GMDS: variants seen among roughly 807,000 people sequenced by gnomAD.
The protein encoded by GMDS is GDP-mannose 4,6-dehydratase, also known as GDP-mannose 4,6 dehydratase.
A neutral mutation model predicts 49.9 loss-of-function variants in GMDS; 20 were observed. The ratio of observed to expected loss-of-function variants is 0.40; its 90% confidence interval spans 0.28 to 0.58. The LOEUF (loss-of-function observed/expected upper bound fraction) is 0.58. GMDS is among the 20% of genes least tolerant of loss of function. GMDS has a pLI of 0.42. For missense variants in GMDS, 362 were observed against 481.4 expected (o/e 0.75, Z 2.32); for synonymous variants, 177 against 178.6 (o/e 0.99, Z 0.07).
chr6:1,912,361 G>T (rs889116664), intron 7 of GMDS, among the ~76,000 whole-genome samples: 7 of 150,848 alleles, frequency 4.6e-5, no homozygotes, highest in Non-Finnish European at 8.9e-5. Flanking sequence ...GTGAGACTTT[G>T]TCTAAAAAAA....
intron 4 of GMDS, among the ~76,000 whole-genome samples, chr6:1,978,759 GTTTT>G (rs1226581521): frequency 6.6e-6 from 1 of 152,136 alleles, no homozygotes; most frequent in Non-Finnish European, 1.5e-5. Context: ...CAGCCAGATT[GTTTT>G]TTTAAGTGGG....
intron 7 of GMDS, among the ~76,000 whole-genome samples, chr6:1,770,204 C>T (rs1488207788): frequency 6.6e-6 from 1 of 152,204 alleles, no homozygotes; most frequent in Non-Finnish European, 1.5e-5. Context: ...GAACTGCACA[C>T]ATGTGTGAGC....
chr6:1,796,661 A>G (rs1769746025), intron 7 of GMDS, among the ~76,000 whole-genome samples: 1 of 152,220 alleles, frequency 6.6e-6, no homozygotes, highest in Admixed American at 6.5e-5. Flanking sequence ...TAGCAACATA[A>G]TAATTCACTG....
chr6:2,167,275 C>T (rs1268368378), intron 1 of GMDS, among the ~76,000 whole-genome samples: 1 of 152,128 alleles, frequency 6.6e-6, no homozygotes, highest in Non-Finnish European at 1.5e-5. Context: ...CCTCTATACC[C>T]ACCAATTAGT....
At chr6:2,159,607 C>G (rs1278977397) in intron 1 of GMDS, among the ~76,000 whole-genome samples, 1 of 143,422 alleles carries the variant, frequency 7.0e-6, no homozygotes, top group East Asian at 2.2e-4. Context: ...TAACCTCCAT[C>G]TCCCAGGCTC....
chr6:1,734,085 C>T (rs1042172634), intron 8 of GMDS, among the ~76,000 whole-genome samples: 12 of 152,184 alleles, frequency 7.9e-5, no homozygotes, highest in African/African-American at 2.2e-4. Context: ...CTAGTGTAAA[C>T]GGTGAACCCT....
chr6:1,927,452 G>A (rs1423939343), intron 7 of GMDS, among the ~76,000 whole-genome samples: 1 of 152,244 alleles, frequency 6.6e-6, no homozygotes, highest in East Asian at 1.9e-4. Flanking sequence ...GTGTGCACAT[G>A]CTGGCTTGTG....
chr6:1,668,890 G>C (rs1379657798), intron 9 of GMDS, among the ~76,000 whole-genome samples: 1 of 152,350 alleles, frequency 6.6e-6, no homozygotes, highest in Admixed American at 6.5e-5. Context: ...GGCCAAATCA[G>C]AGAAGTACCA....
At chr6:1,799,240 C>T (rs1216727957) in intron 7 of GMDS, among the ~76,000 whole-genome samples, 3 of 152,068 alleles carry the variant, frequency 2.0e-5, no homozygotes, top group Admixed American at 6.5e-5. Context: ...CAAAGAGTCC[C>T]CCGCTCCCTC....
chr6:1,832,702 T>C (rs3778533), intron 7 of GMDS, among the ~76,000 whole-genome samples: 28,097 of 152,176 alleles, frequency 0.18, 3,417 homozygotes, highest in African/African-American at 0.35. Flanking sequence ...TTAGCTTGAC[T>C]GCAAAGCTCT....
At chr6:1,749,251 A>G (rs1414766793) in intron 7 of GMDS, among the ~76,000 whole-genome samples, 5 of 152,158 alleles carry the variant, frequency 3.3e-5, no homozygotes, top group South Asian at 2.1e-4. Context: ...CCAGATCACA[A>G]TCTGCGGTGT....
At chr6:1,815,151 A>G (rs1020155683) in intron 7 of GMDS, among the ~76,000 whole-genome samples, 1 of 152,176 alleles carries the variant, frequency 6.6e-6, no homozygotes, top group African/African-American at 2.4e-5. Flanking sequence ...CTGTGTTCAA[A>G]TACTTCAGAT....
intron 9 of GMDS, among the ~76,000 whole-genome samples, chr6:1,641,793 T>A (rs576323518): frequency 6.6e-6 from 1 of 152,258 alleles, no homozygotes; most frequent in South Asian, 2.1e-4. Flanking sequence ...GAAAGTCAGG[T>A]TTTTAAATAT....
intron 6 of GMDS, among the ~76,000 whole-genome samples, chr6:1,951,706 T>C (rs1387015302): frequency 6.6e-6 from 1 of 152,210 alleles, no homozygotes; most frequent in Non-Finnish European, 1.5e-5. Context: ...TGATTTTTAA[T>C]GTCTTTTATA....
At chr6:2,032,066 C>T (rs188533227) in intron 4 of GMDS, among the ~76,000 whole-genome samples, 1 of 152,060 alleles carries the variant, frequency 6.6e-6, no homozygotes, top group African/African-American at 2.4e-5. Context: ...CCATAAAGAA[C>T]AAGTGTAGAA....
intron 7 of GMDS, among the ~76,000 whole-genome samples, chr6:1,785,570 T>C (rs3800068): frequency 0.16 from 24,267 of 152,174 alleles, 2,078 homozygotes; most frequent in African/African-American, 0.21. Flanking sequence ...CCCTTGGGCA[T>C]CCTCCCAGGA....
At chr6:1,760,241 T>G (rs75588000) in intron 7 of GMDS, among the ~76,000 whole-genome samples, 7,011 of 152,224 alleles carry the variant, frequency 0.046, 207 homozygotes, top group Non-Finnish European at 0.069. Context: ...TTTCTTTGAG[T>G]TGGTTTCTGC....
At chr6:2,157,346 C>A (rs2127542428) in intron 1 of GMDS, among the ~76,000 whole-genome samples, 1 of 152,288 alleles carries the variant, frequency 6.6e-6, no homozygotes, top group Non-Finnish European at 1.5e-5. Context: ...CATTCAAATT[C>A]TTTGTCTTCT....
At chr6:2,193,974 G>A (rs1056412740) in intron 1 of GMDS, among the ~76,000 whole-genome samples, 3 of 151,750 alleles carry the variant, frequency 2.0e-5, no homozygotes, top group Non-Finnish European at 4.4e-5. Flanking sequence ...CCACCCGCTC[G>A]GCCTCCCAAA....
Sources: allele counts gnomAD v4.1 joint callset (sites outside exome capture counted in the v4.1 genomes callset), GRCh38; gene constraint gnomAD v4.1.1; transcripts MANE v1.5; gene names NCBI Gene and HGNC (gene_info 2026-07-23, HGNC 2026-07-21).